EHMT1: variants seen among roughly 807,000 people sequenced by gnomAD.
EHMT1 encodes euchromatic histone lysine methyltransferase 1.
A neutral mutation model predicts 147.2 loss-of-function variants in EHMT1; 15 were observed. That is an observed-to-expected ratio of 0.10 (90% CI 0.07 to 0.16). EHMT1 has a LOEUF of 0.16. Ranked by LOEUF, EHMT1 falls within the 10% of genes least tolerant of loss-of-function variation. EHMT1 has a pLI of 1.00. For synonymous variants in EHMT1, 795 were observed against 709.6 expected, an observed-to-expected ratio of 1.12 and a Z score of -1.91; for missense variants, 1,587 against 1,772.4, an observed-to-expected ratio of 0.90 and a Z score of 1.88.
chr9:137,668,752 A>C (rs1173880106), intron 1 of EHMT1, among the ~76,000 whole-genome samples: 1 of 149,636 alleles, frequency 6.7e-6, no homozygotes, highest in Non-Finnish European at 1.5e-5. Flanking sequence ...TTTTGCTGTT[A>C]ATGGACAGTG....
chr9:137,769,625 T>C (rs568062450), intron 10 of EHMT1, among the ~76,000 whole-genome samples: 18 of 152,252 alleles, frequency 1.2e-4, no homozygotes, highest in African/African-American at 4.1e-4. Flanking sequence ...GCATACTATA[T>C]GTCATTTTTC....
At chr9:137,742,020 C>T (rs914361700) in intron 4 of EHMT1, among the ~76,000 whole-genome samples, 3 of 152,182 alleles carry the variant, frequency 2.0e-5, no homozygotes, top group African/African-American at 7.2e-5. Context: ...GCCATGCTGG[C>T]CTGTCAGCCT....
intron 4 of EHMT1, among the ~76,000 whole-genome samples, chr9:137,739,256 T>C (rs1322210183): frequency 2.7e-5 from 4 of 149,904 alleles, no homozygotes; most frequent in Non-Finnish European, 5.9e-5. Context: ...CTCAGGAGGC[T>C]GAGGCAGGAG....
chr9:137,724,561 C>T (rs977003433), intron 3 of EHMT1, among the ~76,000 whole-genome samples: 55 of 152,220 alleles, frequency 3.6e-4, no homozygotes, highest in African/African-American at 1.2e-3. Flanking sequence ...GTGTGTACCT[C>T]GGCAAGAATT....
intron 1 of EHMT1, among the ~76,000 whole-genome samples, chr9:137,623,468 G>A (rs1169546174): frequency 6.6e-6 from 1 of 151,564 alleles, no homozygotes; most frequent in East Asian, 2.0e-4. Flanking sequence ...AGGCTGGAGT[G>A]CAGTGGCACT....
intron 1 of EHMT1, among the ~76,000 whole-genome samples, chr9:137,635,595 T>C (rs754742004): frequency 7.9e-4 from 120 of 151,026 alleles, no homozygotes; most frequent in South Asian, 2.5e-3. Flanking sequence ...CCGAGGTGGG[T>C]GGATCACGAG....
intron 1 of EHMT1, among the ~76,000 whole-genome samples, chr9:137,643,337 G>GTTT (rs71493685): frequency 3.3e-4 from 37 of 111,820 alleles, no homozygotes; most frequent in South Asian, 9.0e-4. Flanking sequence ...GTGTATAAAG[G>GTTT]TTTTTTTTTT....
At chr9:137,834,314 C>T (rs746826969) in intron 25 of EHMT1, 35 bp from the exon 26 acceptor site, 2 of 1,610,474 alleles carry the variant, frequency 1.2e-6, no homozygotes, top group Non-Finnish European at 1.7e-6. Flanking sequence ...CGGGGCCTTG[C>T]TAACTGCAGC....
At chr9:137,739,701 G>T (rs1020630375) in intron 4 of EHMT1, among the ~76,000 whole-genome samples, 2 of 152,268 alleles carry the variant, frequency 1.3e-5, no homozygotes, top group African/African-American at 4.8e-5. Flanking sequence ...AGAAGTTGCA[G>T]TGCTTCCCTT....
rs1408590511 is a variant in EHMT1 at position 137,732,256 on chromosome 9, C to T, written c.823+3727C>T. 1.3e-5 allele frequency among the ~76,000 whole-genome samples: 2 copies of T among 152,234 alleles called. No individual in the cohort carries two copies. Among genetic ancestry groups the T allele is most frequent in the Non-Finnish European group, 2.9e-5 (2 of 68,042 alleles). On this transcript the variant is annotated intron_variant, in intron 4 of 26. Transcript: ENST00000460843. The surrounding 1 kb of genome is among the most constrained non-coding windows in gnomAD (Gnocchi z 4.6). ...TTGGGTCCCCAGAAGGATCACCGCT[C>T]TTCACTCCCGCAGTTCAGCGAACGG...
At chr9:137,627,061 G>A (rs1042886645) in intron 1 of EHMT1, among the ~76,000 whole-genome samples, 11 of 152,066 alleles carry the variant, frequency 7.2e-5, no homozygotes, top group Admixed American at 3.3e-4. Flanking sequence ...AGGTTCAAGC[G>A]CTTCTCCTGC....
At chr9:137,721,246 TCG>T in intron 3 of EHMT1, among the ~76,000 whole-genome samples, 1 of 134,740 alleles carries the variant, frequency 7.4e-6, no homozygotes, top group Admixed American at 8.9e-5. Flanking sequence ...CTTCTCACAC[TCG>T]CCCCCTCCCA....
At chr9:137,702,468 T>G (rs1301762222) in intron 1 of EHMT1, among the ~76,000 whole-genome samples, 1 of 152,178 alleles carries the variant, frequency 6.6e-6, no homozygotes, top group African/African-American at 2.4e-5. Context: ...CAGTCTGAGT[T>G]CCACAATAAT....
Position 137,776,921 on chromosome 9 carries a change from C to G in EHMT1, c.2018+77C>G. Reference sequence around the variant, plus strand: ...TTCAGTTGTTAACTCAACGTTATTGCTTCCTGCTGTTTTTTCCAGAAGTCT... The same window carrying G: ...TTCAGTTGTTAACTCAACGTTATTGGTTCCTGCTGTTTTTTCCAGAAGTCT... On this transcript the variant is annotated intron_variant, in intron 12 of 26. Coordinates refer to ENST00000460843, the MANE Select transcript of EHMT1 (RefSeq NM_024757.5). This position sits in a 1 kb window ranked among gnomAD's most constrained non-coding sequence, Gnocchi z 4.4. 2.2e-6 allele frequency: 3 copies of G among 1,369,118 alleles called. No individual in the cohort carries two copies. The highest frequency in any genetic ancestry group is 3.1e-6 in the Non-Finnish European group (3 of 980,972). 84.8% of individuals were successfully genotyped at this position (1,369,118 alleles called of 1,614,324 possible). A position where few individuals can be genotyped will look rare whatever the true frequency, so the allele number is the denominator to read the frequency against.
At chr9:137,821,826 T>A (rs557811919) in intron 25 of EHMT1, among the ~76,000 whole-genome samples, 17 of 152,332 alleles carry the variant, frequency 1.1e-4, no homozygotes, top group African/African-American at 4.1e-4. Flanking sequence ...ATTTGTTAGA[T>A]CTTTCTTAAT....
At chr9:137,749,423 C>CA (rs938596996) in intron 6 of EHMT1, among the ~76,000 whole-genome samples, 4 of 152,120 alleles carry the variant, frequency 2.6e-5, no homozygotes, top group Admixed American at 6.6e-5. Context: ...AGGCATGCGC[C>CA]ACCATGTCCA....
Position 137,820,442 on chromosome 9 carries a change from C to G in EHMT1, c.3540+2304C>G, listed in dbSNP as rs1955315719. Among the ~76,000 whole-genome samples the G allele has an allele frequency of 3.3e-5, 5 of 152,236 alleles. No homozygotes were observed. In the South Asian group the frequency reaches 1.0e-3, roughly 31 times the overall value. ...GTGTGTGCCACAGATGTCGCCTTCT[C>G]TCTATGACTTTTTCATTTCCTAATG... On this transcript the variant is annotated intron_variant, in intron 25 of 26. Transcript: ENST00000460843.
At chr9:137,715,704 T>A in intron 2 of EHMT1, 1 of 985,470 alleles carries the variant, frequency 1.0e-6, no homozygotes, top group Non-Finnish European at 1.2e-6. Flanking sequence ...TTCCTGGGGT[T>A]GTCATCGGAG....
chr9:137,787,415 G>A lies in EHMT1; in HGVS notation c.2383-3433G>A, dbSNP rs1351718425. ...AGGGGACTAGGAAGGGCTATTCCAG[G>A]CTCAGCCCTGCCTCCCACAGCCTTG... On this transcript the variant is annotated intron_variant, in intron 15 of 26. Transcript: ENST00000460843. The surrounding 1 kb of genome is among the most constrained non-coding windows in gnomAD (Gnocchi z 4.2). 6.6e-6 allele frequency among the ~76,000 whole-genome samples: 1 copy of A among 152,168 alleles called. No homozygotes were observed. The highest frequency in any genetic ancestry group is 2.4e-5 in the African/African-American group (1 of 41,444).
Sources: gnomAD v4.1 joint callset for allele counts (sites outside exome capture counted in the v4.1 genomes callset) on GRCh38, gnomAD v4.1.1 for gene constraint, Gnocchi (gnomAD v3.1) non-coding constraint, MANE v1.5 for transcripts, NCBI Gene and HGNC (gene_info 2026-07-23, HGNC 2026-07-21) for gene names.